The following RANBP2 variants were observed in gnomAD, a reference collection of about 807,000 sequenced individuals.
The protein encoded by RANBP2 is RAN binding protein 2, also known as E3 SUMO-protein ligase RanBP2.
A neutral mutation model predicts 303.6 loss-of-function variants in RANBP2; 57 were observed. The observed-to-expected ratio is 0.19, with a 90% confidence interval of 0.15 to 0.23. The LOEUF (loss-of-function observed/expected upper bound fraction) is 0.23. RANBP2 is among the 10% of genes least tolerant of loss of function. The pLI is 1.00. For missense variants in RANBP2, 3,138 were observed against 3,780.8 expected (o/e 0.83, Z 4.46); for synonymous variants, 1,167 against 1,301.5 (o/e 0.90, Z 2.23).
the RANBP2 span, among the ~76,000 whole-genome samples, chr2:108,944,071 G>A: frequency 2.6e-5 from 4 of 152,204 alleles, no homozygotes; most frequent in Non-Finnish European, 5.9e-5. Context: ...AGCCACGTAG[G>A]AGCAAACACT....
chr2:108,873,926 A>T, the RANBP2 span, among the ~76,000 whole-genome samples: 3 of 152,260 alleles, frequency 2.0e-5, no homozygotes, highest in South Asian at 6.2e-4. Flanking sequence ...AAAAATTTCC[A>T]TTATACAGAT....
the RANBP2 span, among the ~76,000 whole-genome samples, chr2:109,380,724 A>G: frequency 6.6e-6 from 1 of 152,164 alleles, no homozygotes; most frequent in African/African-American, 2.4e-5. Context: ...CTTGTGCCAT[A>G]GTTCCTGAGG....
Position 108,785,055 on chromosome 2 carries a change from A to G in RANBP2, c.*1154A>G, listed in dbSNP as rs1678516075. 1 of 152,230 alleles carries G rather than the reference A, an allele frequency of 6.6e-6. No individual in the cohort carries two copies. The highest frequency in any genetic ancestry group is 1.5e-5 in the Non-Finnish European group (1 of 68,036). 9.4% of individuals were successfully genotyped at this position (152,230 alleles called of 1,614,324 possible). ...AGAACACAAAATTTTGTATATTGCAATTATGAATATTGACTGTCTTCCACC... is the reference window on the plus strand; with the variant it reads ...AGAACACAAAATTTTGTATATTGCAGTTATGAATATTGACTGTCTTCCACC... On this transcript the variant is annotated 3_prime_UTR_variant, in exon 29 of 29. Coordinates refer to ENST00000283195, the MANE Select transcript of RANBP2 (RefSeq NM_006267.5).
At chr2:109,419,697 C>T in the RANBP2 span, 1 of 1,491,826 alleles carries the variant, frequency 6.7e-7, no homozygotes, top group African/African-American at 1.4e-5. Flanking sequence ...TCCCTCCTGC[C>T]TGGGCTGACC....
the RANBP2 span, among the ~76,000 whole-genome samples, chr2:108,973,079 C>G: frequency 6.6e-6 from 1 of 152,162 alleles, no homozygotes. Flanking sequence ...CTCTGCCTCC[C>G]AGGTTCAAGC....
chr2:109,005,580 C>T, the RANBP2 span, among the ~76,000 whole-genome samples: 2 of 152,236 alleles, frequency 1.3e-5, no homozygotes, highest in Non-Finnish European at 2.9e-5. Flanking sequence ...ACACTCTCTT[C>T]CCCCTCGTCT....
At chr2:108,783,086 TC>T (rs2149334031) in intron 28 of RANBP2, among the ~76,000 whole-genome samples, 1 of 152,048 alleles carries the variant, frequency 6.6e-6, no homozygotes, top group African/African-American at 2.4e-5. Context: ...TACCTGTAAT[TC>T]CAGCACTTTA....
the RANBP2 span, among the ~76,000 whole-genome samples, chr2:109,236,988 CAGAA>C: frequency 7.9e-5 from 12 of 152,112 alleles, no homozygotes; most frequent in Admixed American, 1.3e-4. Context: ...ACCCTGGACA[CAGAA>C]AGATCAGGGG....
At chr2:109,117,961 C>G in the RANBP2 span, among the ~76,000 whole-genome samples, 1 of 152,192 alleles carries the variant, frequency 6.6e-6, no homozygotes, top group African/African-American at 2.4e-5. Context: ...TGCCTGCCCT[C>G]TGAGGCAAGA....
the RANBP2 span, among the ~76,000 whole-genome samples, chr2:109,221,981 T>TTA: frequency 0.012 from 1,722 of 145,432 alleles, 6 homozygotes; most frequent in Non-Finnish European, 0.018. Flanking sequence ...ATGAATGGAT[T>TTA]AAAAAAAAAA....
chr2:109,097,714 T>C, the RANBP2 span, among the ~76,000 whole-genome samples: 1 of 149,370 alleles, frequency 6.7e-6, no homozygotes, highest in Non-Finnish European at 1.5e-5. Context: ...TTTTAATATA[T>C]GTTTAAATAT....
rs1318453537 is a variant in RANBP2 at position 108,774,798 on chromosome 2, T to C, written c.8293-934T>C. Among the ~76,000 whole-genome samples, 3 of 151,308 alleles carry C rather than the reference T, an allele frequency of 2.0e-5. No individual in the cohort carries two copies. In the East Asian group the frequency reaches 5.8e-4, roughly 29 times the overall value. On this transcript the variant is annotated intron_variant, in intron 23 of 28. Coordinates refer to ENST00000283195, the MANE Select transcript of RANBP2 (RefSeq NM_006267.5). ...TCAGCTCACTGCAACCTCTGCCTCC[T>C]GGGTTCAAGCAATTCTCATGTCTCA... is the stretch of plus-strand genomic sequence containing the variant.
chr2:108,906,315 G>T, the RANBP2 span: 26 of 1,613,918 alleles, frequency 1.6e-5, no homozygotes, highest in East Asian at 5.6e-4. Context: ...TACCTTCCAC[G>T]ACTCCACACA....
rs770082673 is a variant in RANBP2 at position 108,765,838 on chromosome 2, A to G, written c.5299A>G (p.Ile1767Val). The G allele has an allele frequency of 4.3e-6, 7 of 1,614,196 alleles. No individual in the cohort carries two copies. The highest frequency in any genetic ancestry group is 4.2e-6 in the Non-Finnish European group (5 of 1,180,002). ...AATTTCAACACCTGCCTCTTCGGAG[A>G]TAAGCAAGGCTCCAAAGAGTGGATT... ...TAISTPASSE[I>V]SKAPKSGFEG... is the part of the protein sequence containing the mutation. The change falls in exon 20 of 29, where the codon ATA becomes GTA. Residue 1767 changes from isoleucine to valine, a missense_variant. Ile to Val is a conservative substitution (Grantham distance 29). Coordinates refer to ENST00000283195, the MANE Select transcript of RANBP2 (RefSeq NM_006267.5).
the RANBP2 span, among the ~76,000 whole-genome samples, chr2:109,224,771 C>T: frequency 3.0e-3 from 452 of 152,250 alleles, 2 homozygotes; most frequent in African/African-American, 0.01. Context: ...GCATTAGAAT[C>T]GCTTGAAACC....
the RANBP2 span, among the ~76,000 whole-genome samples, chr2:108,863,213 G>T: frequency 6.6e-6 from 1 of 151,938 alleles, no homozygotes; most frequent in Non-Finnish European, 1.5e-5. Context: ...TATTATTTAG[G>T]AGATTAAAGG....
At chr2:108,946,996 CA>C in the RANBP2 span, among the ~76,000 whole-genome samples, 3 of 152,132 alleles carry the variant, frequency 2.0e-5, no homozygotes, top group African/African-American at 7.2e-5. Flanking sequence ...TCATCTGAGA[CA>C]AGGCAAATCC....
chr2:109,100,876 C>T, the RANBP2 span, among the ~76,000 whole-genome samples: 2 of 152,108 alleles, frequency 1.3e-5, no homozygotes, highest in Non-Finnish European at 2.9e-5. Flanking sequence ...AGAGCTTAAC[C>T]CTGTTGCCAG....
chr2:108,930,371 G>A, the RANBP2 span: 1 of 967,974 alleles, frequency 1.0e-6, no homozygotes, highest in Non-Finnish European at 1.6e-6. Context: ...CTCGGTCTGG[G>A]AAGGTGCCCG....
Sources: gnomAD v4.1 joint callset for allele counts (sites outside exome capture counted in the v4.1 genomes callset) on GRCh38, gnomAD v4.1.1 for gene constraint, MANE v1.5 for transcripts, NCBI Gene and HGNC (gene_info 2026-07-23, HGNC 2026-07-21) for gene names.